The following FAM83A variants were observed in gnomAD, a reference collection of about 807,000 sequenced individuals.
The protein encoded by FAM83A is protein FAM83A.
In FAM83A, 21 loss-of-function variants were observed where a neutral mutation model predicts 24.4. The ratio of observed to expected loss-of-function variants is 0.86; its 90% CI spans 0.61 to 1.24. The LOEUF is 1.24. Among genes scored for constraint, FAM83A ranks in the 50% most tolerant of loss-of-function variants. The probability of loss-of-function intolerance (pLI) is 0.00; values close to 1 mark genes in which losing one functional copy is unlikely to be tolerated. For synonymous variants in FAM83A, 270 were observed against 252.4 expected (o/e 1.07, Z -0.66); for missense variants, 617 against 579.8 (o/e 1.06, Z -0.66).
chr8:123,181,731 G>A (rs962814470), upstream of FAM83A: 1 of 256,378 alleles, frequency 3.9e-6, no homozygotes, highest in African/African-American at 2.2e-5. Flanking sequence ...AGATGTCCAT[G>A]AACCCAGATG....
chr8:123,207,484 C>T, exon 4 of FAM83A: 1 of 1,584,072 alleles, frequency 6.3e-7, no homozygotes. Context: ...CTCCACCGCC[C>T]CGGTTCCAGC....
chr8:123,191,809 G>A, exon 2 of FAM83A: 1 of 1,613,722 alleles, frequency 6.2e-7, no homozygotes. Context: ...CCAGGTCCTG[G>A]TCATCCTGAT....
At chr8:123,188,560 T>C (rs1303975258) in intron 1 of FAM83A, among the ~76,000 whole-genome samples, 1 of 151,892 alleles carries the variant, frequency 6.6e-6, no homozygotes, top group East Asian at 1.9e-4. Flanking sequence ...GTCGGCTCAC[T>C]GCAACCTCTG....
chr8:123,182,057 G>A (rs1021160542), upstream of FAM83A: 1 of 456,176 alleles, frequency 2.2e-6, no homozygotes, highest in Admixed American at 2.3e-5. Flanking sequence ...TGGGCTCGTG[G>A]GCCGCCGGCA....
At chr8:123,186,516 C>A (rs1379225612) in intron 1 of FAM83A, among the ~76,000 whole-genome samples, 1 of 152,182 alleles carries the variant, frequency 6.6e-6, no homozygotes. Context: ...AATTCTCTTT[C>A]CTTCCCTTCA....
chr8:123,209,400 C>T lies in FAM83A; in HGVS notation c.*1712C>T. ...ATTATTATTATTAATTATTGTATTC[C>T]TGTCCTTCACTTTTTTCCTCCTTAG... On this transcript the variant is annotated 3_prime_UTR_variant, in exon 4 of 4. Transcript: ENST00000690554. The surrounding 1 kb of genome is among the most constrained non-coding windows in gnomAD (Gnocchi z 4.7). 6.2e-7 allele frequency: 1 copy of T among 1,607,962 alleles called. No individual in the cohort carries two copies. The highest frequency in any genetic ancestry group is 1.3e-5 in the African/African-American group (1 of 74,572).
In FAM83A at chr8:123,199,337, G is replaced by T. The variant is rs1824269150; in HGVS notation, c.773+5189G>T. On this transcript the variant is annotated intron_variant, in intron 3 of 3. Transcript: ENST00000690554. ...AGGATTCGTGAGTTTTACCAGGCAG[G>T]CCGTGATTATTACTGTTACCAGCAT... Among the ~76,000 whole-genome samples, 4 of 152,182 alleles carry T rather than the reference G, an allele frequency of 2.6e-5. No individual in the cohort carries two copies. The South Asian group carries it at 8.3e-4, about 32-fold the overall frequency.
chr8:123,185,542 A>T (rs575014099), intron 1 of FAM83A, among the ~76,000 whole-genome samples: 34 of 152,262 alleles, frequency 2.2e-4, no homozygotes, highest in African/African-American at 7.9e-4. Context: ...AACACTTAAA[A>T]ATCTGAAGAT....
At chr8:123,208,723 T>C in exon 4 of FAM83A, 1 of 985,410 alleles carries the variant, frequency 1.0e-6, no homozygotes, top group African/African-American at 1.7e-5. Context: ...GGGCCAGGCG[T>C]GGTGGCTCAT....
intron 3 of FAM83A, among the ~76,000 whole-genome samples, chr8:123,206,472 T>C (rs1824554941): frequency 6.6e-6 from 1 of 152,174 alleles, no homozygotes; most frequent in South Asian, 2.1e-4. Flanking sequence ...GCAGGGGCTT[T>C]CCCGACCCCT....
At chr8:123,204,408 G>C (rs1824470555) in intron 3 of FAM83A, among the ~76,000 whole-genome samples, 1 of 152,148 alleles carries the variant, frequency 6.6e-6, no homozygotes, top group African/African-American at 2.4e-5. Flanking sequence ...AGTAGAGTTT[G>C]GTCATGAGCC....
At chr8:123,186,839 A>G (rs1337421734) in intron 1 of FAM83A, among the ~76,000 whole-genome samples, 1 of 152,148 alleles carries the variant, frequency 6.6e-6, no homozygotes, top group Non-Finnish European at 1.5e-5. Context: ...TCTCAAAAAA[A>G]CACTTCCCTT....
At chr8:123,194,682 T>A (rs987199885) in intron 3 of FAM83A, among the ~76,000 whole-genome samples, 1 of 152,120 alleles carries the variant, frequency 6.6e-6, no homozygotes, top group Non-Finnish European at 1.5e-5. Flanking sequence ...CGGGGTTTCA[T>A]CATGTTGGCC....
At chr8:123,181,385 T>C (rs1296328353), upstream of FAM83A, among the ~76,000 whole-genome samples, 2 of 152,174 alleles carry the variant, frequency 1.3e-5, no homozygotes, top group African/African-American at 2.4e-5. Context: ...TCTTACCATA[T>C]CCTGGCTCTT....
exon 4 of FAM83A, chr8:123,207,557 G>A: frequency 6.5e-7 from 1 of 1,539,144 alleles, no homozygotes; most frequent in Middle Eastern, 1.8e-4. Flanking sequence ...GCCCCACGAC[G>A]GCCCGCCCGC....
At chr8:123,198,550 A>G (rs1229773007) in intron 3 of FAM83A, among the ~76,000 whole-genome samples, 5 of 152,220 alleles carry the variant, frequency 3.3e-5, no homozygotes, top group Admixed American at 6.5e-5. Flanking sequence ...AATGCTGGGC[A>G]GATTAAGCTG....
exon 4 of FAM83A, chr8:123,207,278 C>T (rs1824586817): frequency 6.2e-7 from 1 of 1,612,836 alleles, no homozygotes; most frequent in Non-Finnish European, 8.5e-7. Flanking sequence ...TGTGATGGGC[C>T]TGAAGTCCCC....
At chr8:123,194,210 G>C in intron 3 of FAM83A, 62 bp downstream of exon 3, 1 of 1,598,202 alleles carries the variant, frequency 6.3e-7, no homozygotes, top group African/African-American at 1.3e-5. Context: ...GTGAGGTGCA[G>C]ACCAGCTCCC....
In FAM83A at chr8:123,209,538, T is replaced by A; in HGVS notation, c.*1850T>A. The stretch of plus-strand genomic sequence containing the variant: ...GTTGTTTCACAGCTGACGGCTGAGA[T>A]GAGGTTAGAATGACTGGGCCCGGCT... On this transcript the variant is annotated 3_prime_UTR_variant, in exon 4 of 4. Transcript: ENST00000690554. The surrounding 1 kb of genome is among the most constrained non-coding windows in gnomAD (Gnocchi z 4.7). 9 of 1,613,606 alleles carry A rather than the reference T, an allele frequency of 5.6e-6. No individual in the cohort carries two copies. Among genetic ancestry groups the A allele is most frequent in the Non-Finnish European group, 7.6e-6 (9 of 1,179,682 alleles).
Sources: allele counts gnomAD v4.1 joint callset (sites outside exome capture counted in the v4.1 genomes callset), GRCh38; gene constraint gnomAD v4.1.1; non-coding constraint Gnocchi (gnomAD v3.1); transcripts MANE v1.5; gene names NCBI Gene and HGNC (gene_info 2026-07-23, HGNC 2026-07-21).